The following HBS1L variants were observed in gnomAD, a reference collection of about 807,000 sequenced individuals.
The protein encoded by HBS1L is HBS1 like translational GTPase.
In HBS1L, 55 loss-of-function variants were observed where a neutral mutation model predicts 88.9. The observed-to-expected ratio is 0.62, with a 90% confidence interval of 0.50 to 0.77. The LOEUF (loss-of-function observed/expected upper bound fraction) is 0.77, where lower values mean the gene tolerates loss of function less well. Ranked by LOEUF, HBS1L falls within the 30% of genes least tolerant of loss-of-function variation. HBS1L has a pLI of 0.00. For synonymous variants in HBS1L, 267 were observed against 288.5 expected, an observed-to-expected ratio of 0.93 and a Z score of 0.76; for missense variants, 741 against 829.3, an observed-to-expected ratio of 0.89 and a Z score of 1.31.
intron 16 of HBS1L, among the ~76,000 whole-genome samples, chr6:134,966,874 A>G (rs1223780196): frequency 6.8e-6 from 1 of 147,526 alleles, no homozygotes; most frequent in East Asian, 1.9e-4. Context: ...ATTTGCAAAG[A>G]GGAATATAAT....
At chr6:135,036,425 A>G in intron 4 of HBS1L, 2 of 1,350,932 alleles carry the variant, frequency 1.5e-6, no homozygotes, top group Non-Finnish European at 1.9e-6. Flanking sequence ...AAAAATACGT[A>G]TCAACTAATC....
Position 134,979,199 on chromosome 6 carries a change from C to T in HBS1L, c.1667G>A (p.Gly556Glu). The change falls in exon 14 of 18, where the codon GGG (glycine) becomes GAG (glutamate). Residue 556 changes from glycine (G) to glutamate (E), a missense_variant. Transcript: ENST00000367837. ...TCACTTGATTTTGATGATATCCATC[C>T]CAACCAAAGTAAGACTAACATGATC... ...AGDHVSLTLV[G>E]MDIIKINVGC... 1 of 1,611,470 alleles carries T rather than the reference C, an allele frequency of 6.2e-7. No homozygotes were observed. The highest frequency in any genetic ancestry group is 8.5e-7 in the Non-Finnish European group (1 of 1,178,142).
At chr6:135,005,226 T>C (rs1035721963) in intron 4 of HBS1L, among the ~76,000 whole-genome samples, 2 of 152,264 alleles carry the variant, frequency 1.3e-5, no homozygotes, top group Admixed American at 6.5e-5. Flanking sequence ...GCATGTTCAC[T>C]ACCTCTCAGC....
intron 13 of HBS1L, 24 bp downstream of exon 13, chr6:134,982,434 C>A: frequency 6.9e-7 from 1 of 1,451,252 alleles, no homozygotes. Context: ...GCTTGTTTAG[C>A]AAAAGCATCT....
At chr6:135,049,086 G>A (rs1010191199) in intron 2 of HBS1L, among the ~76,000 whole-genome samples, 2 of 152,190 alleles carry the variant, frequency 1.3e-5, no homozygotes, top group African/African-American at 2.4e-5. Flanking sequence ...AAGACAAGGA[G>A]GATGTATTAG....
At chr6:134,998,931 T>C (rs1191871774) in intron 5 of HBS1L, among the ~76,000 whole-genome samples, 1 of 152,184 alleles carries the variant, frequency 6.6e-6, no homozygotes, top group African/African-American at 2.4e-5. Flanking sequence ...CAGGAAATGT[T>C]CCCATACTTT....
chr6:134,982,632 C>G, intron 12 of HBS1L, 70 bp from the exon 13 acceptor site: 2 of 794,484 alleles, frequency 2.5e-6, no homozygotes, highest in South Asian at 1.9e-5. Flanking sequence ...GTTAACTATA[C>G]TTAGTTCTCA....
intron 4 of HBS1L, among the ~76,000 whole-genome samples, chr6:135,019,857 A>T (rs1331613101): frequency 2.0e-5 from 3 of 151,948 alleles, no homozygotes; most frequent in Non-Finnish European, 2.9e-5. Context: ...AAATATAATG[A>T]ATTTTAAAGC....
chr6:134,968,794 G>A (rs1340111958), intron 16 of HBS1L, among the ~76,000 whole-genome samples: 1 of 151,636 alleles, frequency 6.6e-6, no homozygotes, highest in Non-Finnish European at 1.5e-5. Context: ...GAAAAGAGCA[G>A]GCACTACAGA....
rs539560614 is a variant in HBS1L, at chr6:135,052,969, G to A, written c.43+1680C>T. On this transcript the variant is annotated intron_variant, in intron 1 of 17. Transcript: ENST00000367837. ...TATTATTCTGAGAATTCAAGAGAAA[G>A]CCTAACTGGGAAGAAGAGAAATAAA... Among the ~76,000 whole-genome samples the A allele has an allele frequency of 7.2e-5, 11 of 152,314 alleles. No homozygotes were observed. The East Asian group carries it at 2.1e-3, about 29-fold the overall frequency.
chr6:135,022,373 T>C (rs953860055), intron 4 of HBS1L, among the ~76,000 whole-genome samples: 1 of 151,784 alleles, frequency 6.6e-6, no homozygotes, highest in African/African-American at 2.4e-5. Flanking sequence ...ATATTTAACA[T>C]TCATGTAATT....
At chr6:134,990,933 GTTTGTCTCGCCCA>G (rs957390196) in intron 8 of HBS1L, among the ~76,000 whole-genome samples, 4 of 151,984 alleles carry the variant, frequency 2.6e-5, no homozygotes, top group African/African-American at 9.7e-5. Context: ...TGCTTCTGGT[GTTTGTCTCGCCCA>G]TTAAACTATC....
At position 135,050,093 on chromosome 6, in the gene HBS1L, A is replaced by C. The variant is rs530662557; in HGVS notation, c.109+489T>G. Among the ~76,000 whole-genome samples, 12 of 152,368 alleles carry C rather than the reference A, an allele frequency of 7.9e-5. No homozygotes were observed. The South Asian group carries it at 2.3e-3, about 29-fold the overall frequency. ...GCAGCTCTGATGTGGAATTATACAG[A>C]AATATGAATGCCAAATTCCTCTGTG... On this transcript the variant is annotated intron_variant, in intron 2 of 17. Transcript: ENST00000367837.
At chr6:135,003,256 C>A (rs554397259) in intron 4 of HBS1L, among the ~76,000 whole-genome samples, 33 of 152,034 alleles carry the variant, frequency 2.2e-4, no homozygotes, top group Non-Finnish European at 2.1e-4. Flanking sequence ...TTTAATCCTG[C>A]GAGGTTTATG....
At chr6:134,982,727 CACTTT>C (rs1348335529) in intron 12 of HBS1L, 165 bp from the exon 13 acceptor site, 1 of 401,062 alleles carries the variant, frequency 2.5e-6, no homozygotes, top group African/African-American at 2.1e-5. Context: ...TGGCATACCA[CACTTT>C]ACTTTTTTTT....
intron 4 of HBS1L, among the ~76,000 whole-genome samples, chr6:135,024,344 G>T (rs994123914): frequency 6.6e-6 from 1 of 150,458 alleles, no homozygotes; most frequent in South Asian, 2.1e-4. Context: ...GGAGGCTGAG[G>T]CAGAAGAATG....
In HBS1L at chr6:135,050,435, A is replaced by G. The variant is rs575007734; in HGVS notation, c.109+147T>C. The G allele has an allele frequency of 7.3e-5, 38 of 517,984 alleles. No homozygotes were observed. In the East Asian group the frequency reaches 1.3e-3, roughly 18 times the overall value. 32.1% of individuals were successfully genotyped at this position (517,984 alleles called of 1,614,324 possible). A position where few individuals can be genotyped will look rare whatever the true frequency, so the allele number is the denominator to read the frequency against. Reference sequence around the variant, plus strand: ...AATTCTACTCACAGGAAAAGAAATTATTTTATATGCCTTTAATAATTAACA... The same window carrying G: ...AATTCTACTCACAGGAAAAGAAATTGTTTTATATGCCTTTAATAATTAACA... On this transcript the variant is annotated intron_variant, in intron 2 of 17. Transcript: ENST00000367837.
intron 4 of HBS1L, among the ~76,000 whole-genome samples, chr6:135,024,383 T>C (rs980493692): frequency 7.3e-5 from 10 of 137,730 alleles, no homozygotes; most frequent in Non-Finnish European, 1.5e-4. Context: ...GAGCTTGCAG[T>C]GAGCCGAGAT....
chr6:134,999,053 T>TTTTAA (rs1406465231), intron 5 of HBS1L, among the ~76,000 whole-genome samples: 1 of 152,200 alleles, frequency 6.6e-6, no homozygotes, highest in Non-Finnish European at 1.5e-5. Context: ...ATTCTATACT[T>TTTTAA]AGAAGAATTT....
Sources: allele counts gnomAD v4.1 joint callset (sites outside exome capture counted in the v4.1 genomes callset), GRCh38; gene constraint gnomAD v4.1.1; transcripts MANE v1.5; gene names NCBI Gene and HGNC (gene_info 2026-07-23, HGNC 2026-07-21).